The following ANKFN1 variants were observed in gnomAD, a reference collection of about 807,000 sequenced individuals.
ANKFN1 encodes ankyrin repeat and fibronectin type III domain containing 1.
Under a neutral mutation model 108.7 loss-of-function variants are expected in ANKFN1, and 74 were observed. The ratio of observed to expected loss-of-function variants is 0.68; its 90% confidence interval spans 0.56 to 0.83. The LOEUF (loss-of-function observed/expected upper bound fraction) is 0.83. Ranked by LOEUF, ANKFN1 falls within the 40% of genes least tolerant of loss-of-function variation. ANKFN1 has a pLI of 0.00. For missense variants in ANKFN1, 1,505 were observed against 1,382.3 expected (o/e 1.09, Z -1.41); for synonymous variants, 547 against 516.2 (o/e 1.06, Z -0.81).
chr17:56,423,924 G>A (rs1360884780), intron 8 of ANKFN1, among the ~76,000 whole-genome samples: 1 of 152,150 alleles, frequency 6.6e-6, no homozygotes, highest in Non-Finnish European at 1.5e-5. Flanking sequence ...GCTCAGGAAT[G>A]TATTGGCTTT....
chr17:56,270,162 C>T (rs978825509), intron 3 of ANKFN1, among the ~76,000 whole-genome samples: 3 of 152,176 alleles, frequency 2.0e-5, no homozygotes, highest in Non-Finnish European at 4.4e-5. Context: ...CTTAAAGAGC[C>T]TAGTGGACAG....
At chr17:56,285,323 T>C (rs1028338732) in intron 3 of ANKFN1, among the ~76,000 whole-genome samples, 7 of 152,160 alleles carry the variant, frequency 4.6e-5, no homozygotes, top group Non-Finnish European at 7.3e-5. Context: ...CCCATCCTTA[T>C]GTATTTAAGA....
intron 1 of ANKFN1, among the ~76,000 whole-genome samples, chr17:56,198,339 A>C (rs1913710552): frequency 2.0e-5 from 3 of 152,198 alleles, no homozygotes; most frequent in Admixed American, 2.0e-4. Context: ...CATGACCTCG[A>C]TCTCTCACAT....
chr17:56,055,561 ATATACATATATATATATATATATATATG>A (rs1904854708), intron 4 of ANKFN1, among the ~76,000 whole-genome samples: 1 of 82,860 alleles, frequency 1.2e-5, no homozygotes, highest in Non-Finnish European at 2.2e-5. Flanking sequence ...TGTGTGGTAT[ATATACATATATATATATATATATATATG>A]TATATATACA....
chr17:56,370,183 C>G (rs1325811206), intron 6 of ANKFN1, among the ~76,000 whole-genome samples: 1 of 152,084 alleles, frequency 6.6e-6, no homozygotes, highest in Non-Finnish European at 1.5e-5. Context: ...GCAGAGCTCA[C>G]CCAGCTATAA....
At chr17:56,305,970 T>C (rs2044811800) in intron 3 of ANKFN1, among the ~76,000 whole-genome samples, 2 of 152,158 alleles carry the variant, frequency 1.3e-5, no homozygotes, top group Admixed American at 6.5e-5. Flanking sequence ...GGCTTATTAG[T>C]ATGGGTTAGT....
At chr17:56,296,735 G>A (rs962090011) in intron 3 of ANKFN1, among the ~76,000 whole-genome samples, 2 of 152,128 alleles carry the variant, frequency 1.3e-5, no homozygotes, top group African/African-American at 2.4e-5. Context: ...CGGCTGTGAA[G>A]CGCATGAGCT....
chr17:56,159,095 G>GGAA (rs1189136516), intron 1 of ANKFN1, among the ~76,000 whole-genome samples: 5 of 150,948 alleles, frequency 3.3e-5, no homozygotes, highest in Non-Finnish European at 4.4e-5. Context: ...AGGAGGAGGA[G>GGAA]GAAGAAGAAG....
chr17:56,453,893 C>A (rs1252719929), intron 11 of ANKFN1, among the ~76,000 whole-genome samples: 1 of 151,560 alleles, frequency 6.6e-6, no homozygotes, highest in Non-Finnish European at 1.5e-5. Flanking sequence ...TATATGAAAC[C>A]TTTTTTTCCC....
At chr17:56,403,150 G>A (rs1195034276) in intron 8 of ANKFN1, among the ~76,000 whole-genome samples, 1 of 152,116 alleles carries the variant, frequency 6.6e-6, no homozygotes, top group Non-Finnish European at 1.5e-5. Context: ...TCCATGTGCT[G>A]TTGAATAGAA....
chr17:56,378,644 T>C (rs546184435), intron 8 of ANKFN1, among the ~76,000 whole-genome samples: 1 of 152,314 alleles, frequency 6.6e-6, no homozygotes, highest in East Asian at 1.9e-4. Flanking sequence ...CTTTAGCCTG[T>C]TTGGGGAAAG....
At chr17:56,344,208 C>T in intron 4 of ANKFN1, among the ~76,000 whole-genome samples, 1 of 151,964 alleles carries the variant, frequency 6.6e-6, no homozygotes, top group South Asian at 2.1e-4. Flanking sequence ...CTATATTACC[C>T]CTTCTCCCCA....
intron 1 of ANKFN1, among the ~76,000 whole-genome samples, chr17:56,205,344 C>T (rs920652072): frequency 2.0e-5 from 3 of 152,084 alleles, no homozygotes; most frequent in African/African-American, 7.2e-5. Flanking sequence ...TTTGTGTGAA[C>T]CAATTAAAAC....
chr17:56,064,458 C>G (rs1170859773), intron 4 of ANKFN1, among the ~76,000 whole-genome samples: 1 of 152,192 alleles, frequency 6.6e-6, no homozygotes, highest in African/African-American at 2.4e-5. Flanking sequence ...CAGGGAAGCC[C>G]TGCCCAGTGA....
At chr17:56,446,571 C>T (rs1411316380) in intron 10 of ANKFN1, among the ~76,000 whole-genome samples, 2 of 152,164 alleles carry the variant, frequency 1.3e-5, no homozygotes, top group African/African-American at 2.4e-5. Flanking sequence ...CAACATTTAA[C>T]GAGTCTGCTC....
At chr17:56,196,377 A>C (rs563170510) in intron 1 of ANKFN1, among the ~76,000 whole-genome samples, 62 of 152,284 alleles carry the variant, frequency 4.1e-4, no homozygotes, top group African/African-American at 1.5e-3. Context: ...CTAGGGAATC[A>C]AGTATGAGAA....
chr17:56,154,794 AGAATT>A, intron 1 of ANKFN1, among the ~76,000 whole-genome samples: 1 of 152,330 alleles, frequency 6.6e-6, no homozygotes, highest in East Asian at 1.9e-4. Context: ...TCATGGTTGT[AGAATT>A]GAATTGAATG....
intron 4 of ANKFN1, among the ~76,000 whole-genome samples, chr17:56,097,061 T>C (rs945643823): frequency 1.3e-5 from 2 of 152,066 alleles, no homozygotes; most frequent in African/African-American, 4.8e-5. Flanking sequence ...GAGCTAAACA[T>C]TGAGTACAGA....
At chr17:56,258,124 A>G (rs2043405373) in intron 3 of ANKFN1, 1 of 152,148 alleles carries the variant, frequency 6.6e-6, no homozygotes, top group Non-Finnish European at 1.5e-5. Flanking sequence ...TCTTCTTTCC[A>G]TGTTCACTTG....
Sources: allele counts gnomAD v4.1 joint callset (sites outside exome capture counted in the v4.1 genomes callset), GRCh38; gene constraint gnomAD v4.1.1; transcripts MANE v1.5; gene names NCBI Gene and HGNC (gene_info 2026-07-23, HGNC 2026-07-21).